Variants in CPLX2 observed in about 807,000 individuals in gnomAD.
The protein encoded by CPLX2 is complexin-2.
Under a neutral mutation model 16.3 loss-of-function variants are expected in CPLX2, and 5 were observed. The ratio of observed to expected loss-of-function variants is 0.31; its 90% CI spans 0.16 to 0.64. The LOEUF is 0.64. Ranked by LOEUF, CPLX2 falls within the 30% of genes least tolerant of loss-of-function variation. CPLX2 has a pLI of 0.79. For synonymous variants in CPLX2, 89 were observed against 73.2 expected (o/e 1.22, Z -1.10); for missense variants, 144 against 181.4 (o/e 0.79, Z 1.18).
intron 2 of CPLX2, among the ~76,000 whole-genome samples, chr5:175,837,004 TAGA>T (rs1758851625): frequency 1.3e-5 from 2 of 152,200 alleles, no homozygotes; most frequent in Admixed American, 1.3e-4. Flanking sequence ...AAAACCTCTC[TAGA>T]AGAAACTAGA....
intron 2 of CPLX2, among the ~76,000 whole-genome samples, chr5:175,851,531 C>T (rs922144086): frequency 1.3e-5 from 2 of 152,216 alleles, no homozygotes; most frequent in Admixed American, 6.5e-5. Context: ...CTCAGCTTTC[C>T]CACCTGTGAA....
At chr5:175,798,660 C>T (rs953819561) in intron 1 of CPLX2, among the ~76,000 whole-genome samples, 3 of 152,132 alleles carry the variant, frequency 2.0e-5, no homozygotes, top group Admixed American at 6.5e-5. Flanking sequence ...AGGCTGGAGC[C>T]GGTCTCCAAA....
intron 1 of CPLX2, among the ~76,000 whole-genome samples, chr5:175,802,117 G>A (rs1020104427): frequency 2.0e-5 from 3 of 152,160 alleles, no homozygotes; most frequent in African/African-American, 7.2e-5. Flanking sequence ...AAATATTTGT[G>A]GGGTACATTG....
chr5:175,866,438 G>T (rs927845582), intron 2 of CPLX2, among the ~76,000 whole-genome samples: 1 of 152,240 alleles, frequency 6.6e-6, no homozygotes, highest in African/African-American at 2.4e-5. Flanking sequence ...TGGGGGCAAG[G>T]AGACTGCAGA....
At chr5:175,862,025 C>A (rs1433090968) in intron 2 of CPLX2, among the ~76,000 whole-genome samples, 1 of 152,202 alleles carries the variant, frequency 6.6e-6, no homozygotes, top group African/African-American at 2.4e-5. Flanking sequence ...AGCCAGCATG[C>A]CCCTGTCTTA....
chr5:175,799,440 G>T (rs1163028456), intron 1 of CPLX2, among the ~76,000 whole-genome samples: 1 of 151,548 alleles, frequency 6.6e-6, no homozygotes, highest in African/African-American at 2.4e-5. Flanking sequence ...AGGCTGGAAG[G>T]TGGAAAAGGA....
intron 2 of CPLX2, among the ~76,000 whole-genome samples, chr5:175,834,290 G>T (rs577709575): frequency 1.3e-5 from 2 of 152,354 alleles, no homozygotes; most frequent in East Asian, 3.9e-4. Context: ...ACGGTCCAGA[G>T]ATGTGTAGAT....
chr5:175,834,499 A>G (rs867148550), intron 2 of CPLX2, among the ~76,000 whole-genome samples: 11 of 152,178 alleles, frequency 7.2e-5, no homozygotes, highest in African/African-American at 2.7e-4. Context: ...AACGCAATTC[A>G]TGCTTGGGTG....
chr5:175,797,207 G>A (rs955588347), intron 1 of CPLX2, among the ~76,000 whole-genome samples: 3 of 152,204 alleles, frequency 2.0e-5, no homozygotes, highest in Admixed American at 1.3e-4. Context: ...AAAGCCGCGG[G>A]TCTGGGGCCC....
At chr5:175,862,752 T>C (rs149111076) in intron 2 of CPLX2, among the ~76,000 whole-genome samples, 18 of 152,350 alleles carry the variant, frequency 1.2e-4, no homozygotes, top group African/African-American at 4.1e-4. Flanking sequence ...AGACCCAGAA[T>C]GGAGTCTCTC....
intron 2 of CPLX2, among the ~76,000 whole-genome samples, chr5:175,860,948 G>A (rs1759362161): frequency 6.6e-6 from 1 of 151,216 alleles, no homozygotes; most frequent in Admixed American, 6.6e-5. Context: ...GTGATAGGGT[G>A]AGAGCATGGA....
intron 2 of CPLX2, among the ~76,000 whole-genome samples, chr5:175,841,304 T>C (rs1375839140): frequency 2.6e-5 from 4 of 152,184 alleles, no homozygotes; most frequent in Admixed American, 1.3e-4. Context: ...TCAGAACTCA[T>C]GCCCACACAG....
Position 175,830,159 on chromosome 5 carries a change from G to A in CPLX2, c.-89+21091G>A, listed in dbSNP as rs1758706047. 6.6e-6 allele frequency among the ~76,000 whole-genome samples: 1 copy of A among 152,240 alleles called. No homozygotes were observed. The highest frequency in any genetic ancestry group is 2.4e-5 in the African/African-American group (1 of 41,464). On this transcript the variant is annotated intron_variant, in intron 2 of 4. Coordinates refer to the CPLX2 transcript ENST00000359546. The surrounding 1 kb of genome is among the most constrained non-coding windows in gnomAD (Gnocchi z 4.0). ...GTGAGAGCTGGAAGGGCACATGAAG[G>A]GCAGTGTGGGCAGAGGGACAGGCAG...
At chr5:175,800,618 C>T (rs191051030) in intron 1 of CPLX2, among the ~76,000 whole-genome samples, 1 of 152,260 alleles carries the variant, frequency 6.6e-6, no homozygotes, top group Admixed American at 6.5e-5. Flanking sequence ...GACTTAGATG[C>T]AGTATATTAC....
intron 1 of CPLX2, among the ~76,000 whole-genome samples, chr5:175,874,647 T>C (rs964355508): frequency 6.6e-6 from 1 of 151,874 alleles, no homozygotes; most frequent in African/African-American, 2.4e-5. Context: ...GACTGATCTT[T>C]GGACAGACAG....
At chr5:175,824,774 G>A (rs1187055266) in intron 2 of CPLX2, among the ~76,000 whole-genome samples, 1 of 152,238 alleles carries the variant, frequency 6.6e-6, no homozygotes, top group Non-Finnish European at 1.5e-5. Flanking sequence ...AAGAAATTGA[G>A]CATCAAAGAG....
chr5:175,862,130 T>C (rs1438775364), intron 2 of CPLX2, among the ~76,000 whole-genome samples: 1 of 152,202 alleles, frequency 6.6e-6, no homozygotes, highest in East Asian at 1.9e-4. Context: ...GACAGAAATT[T>C]GTGTATTTTC....
intron 1 of CPLX2, among the ~76,000 whole-genome samples, chr5:175,875,468 T>C (rs1179971054): frequency 6.6e-6 from 1 of 152,242 alleles, no homozygotes; most frequent in Non-Finnish European, 1.5e-5. Flanking sequence ...GCACCCAGCA[T>C]GTGCAAACAC....
In CPLX2 at chr5:175,882,158, G is replaced by A. The variant is rs1755630386; in HGVS notation, c.*2113G>A. On this transcript the variant is annotated 3_prime_UTR_variant, in exon 4 of 4. Transcript: ENST00000393745. The stretch of plus-strand genomic sequence containing the variant: ...TTGTGCCCCTGTGTCCAGCCCCCCA[G>A]GGGGCCTGTGTCTGTGTCTGTGCCT... 1 of 147,500 alleles carries A rather than the reference G, an allele frequency of 6.8e-6. No individual in the cohort carries two copies. The highest frequency in any genetic ancestry group is 2.3e-4 in the South Asian group (1 of 4,290). 9.1% of individuals were successfully genotyped at this position (147,500 alleles called of 1,614,324 possible).
Sources: allele counts gnomAD v4.1 joint callset (sites outside exome capture counted in the v4.1 genomes callset), GRCh38; gene constraint gnomAD v4.1.1; non-coding constraint Gnocchi (gnomAD v3.1); transcripts MANE v1.5; gene names NCBI Gene and HGNC (gene_info 2026-07-23, HGNC 2026-07-21).